Variants in AP2A1 observed in about 807,000 individuals in gnomAD.
AP2A1 encodes AP-2 complex subunit alpha-1.
AP2A1 carries 21 observed loss-of-function variants against 107.3 expected under a neutral mutation model. That is an observed-to-expected ratio of 0.20 (90% CI 0.14 to 0.28). The LOEUF (loss-of-function observed/expected upper bound fraction) is 0.28. Ranked by LOEUF, AP2A1 falls within the 10% of genes least tolerant of loss-of-function variation. The pLI, the probability that AP2A1 is intolerant of heterozygous loss-of-function variation, is 1.00. For missense variants in AP2A1, 873 were observed against 1,307.7 expected (o/e 0.67, Z 5.13); for synonymous variants, 602 against 564.8 (o/e 1.07, Z -0.93).
intron 4 of AP2A1, among the ~76,000 whole-genome samples, chr19:49,787,917 A>G (rs538301439): frequency 4.6e-5 from 7 of 152,152 alleles, no homozygotes; most frequent in African/African-American, 1.7e-4. Flanking sequence ...ACTCAACAAG[A>G]TGTTTTTCAG....
rs571057731 is a variant in AP2A1 at position 49,803,818 on chromosome 19, A to G, written c.2344+442A>G. The G allele has an allele frequency of 1.5e-3, 302 of 199,840 alleles. 3 individuals are homozygous for G. The highest frequency in any genetic ancestry group is 6.0e-3 in the African/African-American group (258 of 43,012). The allele number at this position is 199,840 out of a possible 1,614,324, so 12.4% of individuals were successfully genotyped here. A position where few individuals can be genotyped will look rare whatever the true frequency, so the allele number is the denominator to read the frequency against. On this transcript the variant is annotated intron_variant, in intron 18 of 22. Transcript: ENST00000354293. ...GTGTATGTAGACCCTCCTCTTCCTC[A>G]TAGGGTTATTGTGAAGATCAGAGTG... is the stretch of plus-strand genomic sequence containing the variant.
At chr19:49,801,334 G>A (rs2073276465) in intron 12 of AP2A1, 56 bp from the exon 13 acceptor site, 5 of 1,541,210 alleles carry the variant, frequency 3.2e-6, no homozygotes, top group Non-Finnish European at 4.5e-6. Context: ...TCTCGAGGGG[G>A]TTTCTGGGAG....
At chr19:49,800,538 G>A (rs1174119932) in intron 11 of AP2A1, among the ~76,000 whole-genome samples, 4 of 152,110 alleles carry the variant, frequency 2.6e-5, no homozygotes, top group East Asian at 1.9e-4. Flanking sequence ...GTGCGATCTC[G>A]GCTCACTGCA....
rs1471732220 is a variant in AP2A1 at position 49,791,879 on chromosome 19, G to A, written c.474-56G>A. On this transcript the variant is annotated intron_variant, in intron 4 of 22. Coordinates refer to ENST00000354293, the MANE Select transcript of AP2A1 (RefSeq NM_130787.3). ...GGAGGAACAGGAGAGGAGGGGAGGTGTGCAGGGCTGGGGTCACTGACTCTG... is the reference window on the plus strand; with the variant it reads ...GGAGGAACAGGAGAGGAGGGGAGGTATGCAGGGCTGGGGTCACTGACTCTG... 2.6e-6 allele frequency: 4 copies of A among 1,540,144 alleles called. No homozygotes were observed. The South Asian group carries it at 4.7e-5, about 18-fold the overall frequency.
At chr19:49,799,252 C>A in intron 8 of AP2A1, 75 bp from the exon 9 acceptor site, 1 of 1,507,024 alleles carries the variant, frequency 6.6e-7, no homozygotes, top group South Asian at 1.2e-5. Flanking sequence ...TGAGATGGGT[C>A]AGCTGGGGCC....
intron 1 of AP2A1, among the ~76,000 whole-genome samples, chr19:49,770,731 T>A (rs1461648398): frequency 6.6e-6 from 1 of 152,112 alleles, no homozygotes; most frequent in East Asian, 1.9e-4. Context: ...GGAGGCCACG[T>A]GTTGTATGAT....
chr19:49,779,095 G>C (rs1336327596), intron 1 of AP2A1, among the ~76,000 whole-genome samples: 1 of 151,446 alleles, frequency 6.6e-6, no homozygotes, highest in Admixed American at 6.6e-5. Flanking sequence ...CCAACACTTT[G>C]AGAGGCCAAT....
intron 15 of AP2A1, chr19:49,802,365 T>C (rs1397280060): frequency 3.4e-6 from 3 of 881,142 alleles, no homozygotes; most frequent in African/African-American, 1.7e-5. Context: ...CACCCTTCGT[T>C]GTCTCCTTTC....
intron 1 of AP2A1, among the ~76,000 whole-genome samples, chr19:49,780,138 T>C (rs899121831): frequency 6.6e-6 from 1 of 152,248 alleles, no homozygotes; most frequent in Non-Finnish European, 1.5e-5. Context: ...TAGACATTTA[T>C]AGAGCACCTG....
At chr19:49,802,925 T>TC in intron 15 of AP2A1, 24 bp from the exon 16 acceptor site, 1 of 1,609,954 alleles carries the variant, frequency 6.2e-7, no homozygotes. Flanking sequence ...TTCCTTCCCA[T>TC]CTCACTCTGC....
At chr19:49,772,892 C>G (rs2084578847) in intron 1 of AP2A1, among the ~76,000 whole-genome samples, 1 of 151,498 alleles carries the variant, frequency 6.6e-6, no homozygotes, top group Non-Finnish European at 1.5e-5. Context: ...GGGATGGGAT[C>G]TGACGCTGGG....
chr19:49,802,428 TC>T (rs1568588262), intron 15 of AP2A1: 2 of 1,134,970 alleles, frequency 1.8e-6, no homozygotes, highest in African/African-American at 3.1e-5. Context: ...CCTTCCCTCT[TC>T]CGTCCCTCCC....
rs564896059 is a variant in AP2A1, at chr19:49,802,683, G to A, written c.2115-266G>A. On this transcript the variant is annotated intron_variant, in intron 15 of 22. Coordinates refer to ENST00000354293, the MANE Select transcript of AP2A1 (RefSeq NM_130787.3). Reference sequence around the variant, plus strand: ...GAGAGTTAGGGGACTGGGAGCCCTCGTCAACGGGTTCCTGATGAGCAGCAG... The same window carrying A: ...GAGAGTTAGGGGACTGGGAGCCCTCATCAACGGGTTCCTGATGAGCAGCAG... The A allele has an allele frequency of 2.8e-4, 363 of 1,316,400 alleles. 1 individual carries two copies. Among genetic ancestry groups the A allele is most frequent in the South Asian group, 7.4e-4 (50 of 67,572 alleles). The allele number at this position is 1,316,400 out of a possible 1,614,324, so 81.5% of individuals were successfully genotyped here.
chr19:49,804,856 C>CA (rs2073340134), intron 18 of AP2A1: 1 of 152,150 alleles, frequency 6.6e-6, no homozygotes, highest in Non-Finnish European at 1.5e-5. Context: ...TGCTGGATTA[C>CA]AGGCGTGAGC....
intron 4 of AP2A1, among the ~76,000 whole-genome samples, chr19:49,783,140 C>A (rs1157611360): frequency 1.3e-5 from 2 of 152,208 alleles, no homozygotes; most frequent in African/African-American, 2.4e-5. Context: ...ACGGTCATTG[C>A]CCTCCTGTGT....
intron 15 of AP2A1, 73 bp from the exon 16 acceptor site, chr19:49,802,876 G>T (rs1160593031): frequency 6.6e-7 from 1 of 1,509,214 alleles, no homozygotes; most frequent in East Asian, 2.4e-5. Context: ...GCTTGTTCTC[G>T]CACTCAATCG....
At chr19:49,767,454 AGG>A (rs1224025690) in intron 1 of AP2A1, among the ~76,000 whole-genome samples, 1 of 151,484 alleles carries the variant, frequency 6.6e-6, no homozygotes, top group African/African-American at 2.4e-5. Flanking sequence ...GAAGCCAGTG[AGG>A]TCCCGGGGAT....
rs374899443 is a variant in AP2A1 at position 49,773,182 on chromosome 19, G to C, written c.67+5982G>C. On this transcript the variant is annotated intron_variant, in intron 1 of 22. Coordinates refer to ENST00000354293, the MANE Select transcript of AP2A1 (RefSeq NM_130787.3). ...GGGGGAGAGGTTGAGGCTGGGCCCAGCCCGAGGGCGTGTTCTGTCCTGTCT... is the reference window on the plus strand; with the variant it reads ...GGGGGAGAGGTTGAGGCTGGGCCCACCCCGAGGGCGTGTTCTGTCCTGTCT... 8.5e-5 allele frequency among the ~76,000 whole-genome samples: 13 copies of C among 152,306 alleles called. No individual in the cohort carries two copies. In the East Asian group the frequency reaches 1.4e-3, roughly 16 times the overall value.
Position 49,807,037 on chromosome 19 carries a change from C to CCG in AP2A1, c.*279_*280insCG. 6 of 1,529,392 alleles carry CCG rather than the reference C, an allele frequency of 3.9e-6. No individual in the cohort carries two copies. The highest frequency in any genetic ancestry group is 1.4e-5 in the African/African-American group (1 of 72,546). 94.7% of individuals were successfully genotyped at this position (1,529,392 alleles called of 1,614,324 possible). On this transcript the variant is annotated 3_prime_UTR_variant, in exon 23 of 23. Transcript: ENST00000354293. ...ATGTCTCCTCCCCTCCCACCCCACC[C>CCG]TGTTGTAGCCCCTCCTACCCCCTCC...
Sources: allele counts gnomAD v4.1 joint callset (sites outside exome capture counted in the v4.1 genomes callset), GRCh38; gene constraint gnomAD v4.1.1; transcripts MANE v1.5; gene names NCBI Gene and HGNC (gene_info 2026-07-23, HGNC 2026-07-21).